The following CCDC83 variants were observed in gnomAD, a reference collection of about 807,000 sequenced individuals.
CCDC83 encodes coiled-coil domain containing 83.
A neutral mutation model predicts 50.1 loss-of-function variants in CCDC83; 54 were observed. That is an observed-to-expected ratio of 1.08 (90% confidence interval 0.87 to 1.35). CCDC83 has a LOEUF of 1.35. Ranked by LOEUF, CCDC83 falls within the 40% of genes most tolerant of loss-of-function variation. The pLI is 0.00. For missense variants in CCDC83, 518 were observed against 473.9 expected, an observed-to-expected ratio of 1.09 and a Z score of -0.86; for synonymous variants, 161 against 153.3, an observed-to-expected ratio of 1.05 and a Z score of -0.37.
chr11:85,870,844 A>G (rs2093233137), intron 2 of CCDC83, among the ~76,000 whole-genome samples: 1 of 152,194 alleles, frequency 6.6e-6, no homozygotes, highest in Admixed American at 6.5e-5. Flanking sequence ...TACTCCTTGA[A>G]GGCAAGGATC....
chr11:85,873,245 A>G lies in CCDC83; in HGVS notation c.130A>G (p.Met44Val). 1.0e-5 allele frequency: 16 copies of G among 1,565,126 alleles called. No homozygotes were observed. The highest frequency in any genetic ancestry group is 1.2e-5 in the Non-Finnish European group (14 of 1,153,250). The change falls in exon 3 of 11, where the codon ATG (methionine) becomes GTG (valine). Residue 44 changes from methionine (M) to valine (V), a missense_variant. Transcript: ENST00000342404. ...AAAGGAAGATGCCGTGGAGCAATTCATGTTTCAAATAAAGACACTTAGGAA... is the reference window on the plus strand; with the variant it reads ...AAAGGAAGATGCCGTGGAGCAATTCGTGTTTCAAATAAAGACACTTAGGAA... The part of the protein sequence containing the change: ...QIKEDAVEQF[M>V]FQIKTLRKKN...
At chr11:85,872,528 T>G (rs112656156) in intron 2 of CCDC83, among the ~76,000 whole-genome samples, 1 of 152,038 alleles carries the variant, frequency 6.6e-6, no homozygotes, top group African/African-American at 2.4e-5. Flanking sequence ...CAGATCCACC[T>G]GCCACGGCCT....
intron 8 of CCDC83, among the ~76,000 whole-genome samples, 170 bp downstream of exon 8, chr11:85,911,572 G>T (rs1168045462): frequency 6.6e-6 from 1 of 152,266 alleles, no homozygotes; most frequent in East Asian, 1.9e-4. Context: ...TATTACTATT[G>T]ACCATTGGTA....
intron 6 of CCDC83, among the ~76,000 whole-genome samples, chr11:85,896,400 CAAA>C (rs58450617): frequency 0.045 from 2,281 of 50,564 alleles, 71 homozygotes; most frequent in African/African-American, 0.14. Flanking sequence ...GACCTTGTCT[CAAA>C]AAAAAAAAAA....
Position 85,919,498 on chromosome 11 carries a change from G to GTCTT in CCDC83, c.1232_1235dup (p.Leu413PhefsTer82). 1 of 1,606,400 alleles carries GTCTT rather than the reference G, an allele frequency of 6.2e-7. No homozygotes were observed. The highest frequency in any genetic ancestry group is 8.5e-7 in the Non-Finnish European group (1 of 1,177,210). On this transcript the variant is annotated frameshift_variant, in exon 11 of 11. Coordinates refer to ENST00000342404, the MANE Select transcript of CCDC83 (RefSeq NM_001286159.2). LOFTEE classifies it high-confidence loss of function. ...GCCACATCACATATAAGATGATGAA[G>GTCTT]TCTTTTCTCTAAGACGGAAAGCTGC... is the stretch of plus-strand genomic sequence containing the variant.
rs116526682 is a variant in CCDC83 at position 85,900,130 on chromosome 11, C to T, written c.672+1115C>T. Among the ~76,000 whole-genome samples the T allele has an allele frequency of 4.4e-3, 663 of 152,222 alleles. 3 individuals carry two copies. Among genetic ancestry groups the T allele is most frequent in the African/African-American group, 0.014 (600 of 41,528 alleles). On this transcript the variant is annotated intron_variant, in intron 7 of 10. Coordinates refer to ENST00000342404, the MANE Select transcript of CCDC83 (RefSeq NM_001286159.2). The stretch of plus-strand genomic sequence containing the variant: ...AATGTTTTTGGAATCCTGGGAGATT[C>T]TCTGCTCAGAGTCTGTGTGTGCTAT...
chr11:85,876,696 G>C (rs576824526), intron 3 of CCDC83, among the ~76,000 whole-genome samples: 54 of 152,220 alleles, frequency 3.5e-4, no homozygotes, highest in Non-Finnish European at 6.6e-4. Context: ...GTAGAGACAG[G>C]GTTTCACCGT....
intron 5 of CCDC83, among the ~76,000 whole-genome samples, chr11:85,889,995 G>T (rs988983424): frequency 6.6e-6 from 1 of 152,170 alleles, no homozygotes; most frequent in Non-Finnish European, 1.5e-5. Context: ...GGAAAAGGTT[G>T]TTAGAAATTA....
chr11:85,897,699 ACTTCTTG>A (rs1174303670), intron 6 of CCDC83, among the ~76,000 whole-genome samples: 1 of 152,242 alleles, frequency 6.6e-6, no homozygotes, highest in Non-Finnish European at 1.5e-5. Context: ...GTTAGGAGCA[ACTTCTTG>A]CTTTTGTCCA....
At chr11:85,917,157 A>G (rs531839675) in intron 10 of CCDC83, among the ~76,000 whole-genome samples, 85 of 101,792 alleles carry the variant, frequency 8.4e-4, no homozygotes, top group South Asian at 2.3e-3. Flanking sequence ...AGAGAGAGAG[A>G]GAGAGAGAGA....
intron 1 of CCDC83, 24 bp from the exon 2 acceptor site, chr11:85,865,072 T>A: frequency 8.0e-7 from 1 of 1,257,046 alleles, no homozygotes; most frequent in Non-Finnish European, 1.2e-6. Flanking sequence ...ATTTTTCACT[T>A]TCGTATGTCT....
At chr11:85,885,455 T>C (rs1293599997) in intron 4 of CCDC83, among the ~76,000 whole-genome samples, 2 of 152,222 alleles carry the variant, frequency 1.3e-5, no homozygotes, top group Non-Finnish European at 2.9e-5. Flanking sequence ...GGTGATGAGA[T>C]AAACAGCCAT....
At position 85,865,108 on chromosome 11, in the gene CCDC83, A is replaced by G; in HGVS notation, c.-16A>G. On this transcript the variant is annotated 5_prime_UTR_variant, in exon 2 of 11. Coordinates refer to ENST00000342404, the MANE Select transcript of CCDC83 (RefSeq NM_001286159.2). ...CCTTTCTAAACAGGTATATTTCTTC[A>G]TAGCTAACCAGCACAATGGAAAACT... 1 of 1,554,048 alleles carries G rather than the reference A, an allele frequency of 6.4e-7. No homozygotes were observed. The highest frequency in any genetic ancestry group is 8.9e-7 in the Non-Finnish European group (1 of 1,129,210).
In CCDC83 at chr11:85,857,561, G is replaced by T. The variant is rs537935066; in HGVS notation, c.-29+1977G>T. ...GGCATCTTCAAGGAGACCATGATTG[G>T]GGTCCACAAGCTACACAAGATGATG... On this transcript the variant is annotated intron_variant, in intron 1 of 10. Coordinates refer to ENST00000342404, the MANE Select transcript of CCDC83 (RefSeq NM_001286159.2). Among the ~76,000 whole-genome samples, 5 of 152,286 alleles carry T rather than the reference G, an allele frequency of 3.3e-5. No individual in the cohort carries two copies. In the East Asian group the frequency reaches 7.7e-4, roughly 24 times the overall value.
At chr11:85,879,510 A>G (rs2093287364) in intron 3 of CCDC83, among the ~76,000 whole-genome samples, 1 of 152,258 alleles carries the variant, frequency 6.6e-6, no homozygotes, top group South Asian at 2.1e-4. Flanking sequence ...GATGCTCAAC[A>G]TAGTTATTAG....
intron 7 of CCDC83, among the ~76,000 whole-genome samples, chr11:85,905,969 CAAAA>C (rs760367430): frequency 4.2e-5 from 2 of 47,634 alleles, no homozygotes; most frequent in African/African-American, 1.4e-4. Flanking sequence ...GACTCCGTCT[CAAAA>C]AAAAAAAAAA....
intron 10 of CCDC83, 25 bp from the exon 11 acceptor site, chr11:85,919,324 T>C: frequency 6.4e-7 from 1 of 1,567,768 alleles, no homozygotes; most frequent in Non-Finnish European, 8.6e-7. Context: ...CCTCTCCTAT[T>C]CTTTTTTGTG....
chr11:85,917,491 C>A, intron 10 of CCDC83, among the ~76,000 whole-genome samples: 1 of 152,160 alleles, frequency 6.6e-6, no homozygotes, highest in Non-Finnish European at 1.5e-5. Context: ...ATTAGGCTAT[C>A]TTTGGAAAGT....
chr11:85,871,144 G>A (rs1053679912), intron 2 of CCDC83, among the ~76,000 whole-genome samples: 1 of 152,182 alleles, frequency 6.6e-6, no homozygotes, highest in Non-Finnish European at 1.5e-5. Context: ...TCCAGCCTAG[G>A]TGACAGAGCA....
Sources: gnomAD v4.1 joint callset for allele counts (sites outside exome capture counted in the v4.1 genomes callset) on GRCh38, gnomAD v4.1.1 for gene constraint, MANE v1.5 for transcripts, NCBI Gene and HGNC (gene_info 2026-07-23, HGNC 2026-07-21) for gene names.